WDPCP: variants seen among roughly 807,000 people sequenced by gnomAD.
The protein encoded by WDPCP is WD repeat-containing and planar cell polarity effector protein fritz homolog.
WDPCP carries 71 observed loss-of-function variants against 93.1 expected under a neutral mutation model. That is an observed-to-expected ratio of 0.76 (90% CI 0.63 to 0.93). The LOEUF is 0.93. WDPCP is among the 40% of genes least tolerant of loss of function. The pLI is 0.00. For synonymous variants in WDPCP, 315 were observed against 315.0 expected, an observed-to-expected ratio of 1.00 and a Z score of 0.00; for missense variants, 844 against 887.4, an observed-to-expected ratio of 0.95 and a Z score of 0.62.
intron 3 of WDPCP, among the ~76,000 whole-genome samples, chr2:63,641,583 A>C (rs1009871390): frequency 6.6e-6 from 1 of 152,016 alleles, no homozygotes; most frequent in Non-Finnish European, 1.5e-5. Context: ...TGTTGTTTGC[A>C]TGTCTTCTTT....
rs1029608508 is a variant in WDPCP at position 63,666,804 on chromosome 2, A to G, written n.309-15966T>C. ...TTACCACAAATCCTACCCCATGTCA[A>G]TATGTCCACACCACACTCTCAATTC... On this transcript the variant is annotated intron_variant and non_coding_transcript_variant, in intron 2 of 4. Transcript: ENST00000467687. Among the ~76,000 whole-genome samples, 3 of 152,148 alleles carry G rather than the reference A, an allele frequency of 2.0e-5. No homozygotes were observed. In the East Asian group the frequency reaches 5.8e-4, roughly 29 times the overall value.
intron 2 of WDPCP, among the ~76,000 whole-genome samples, chr2:63,700,432 A>C (rs528867012): frequency 6.6e-6 from 1 of 152,230 alleles, no homozygotes; most frequent in African/African-American, 2.4e-5. Context: ...AAATCAAGTG[A>C]GTCAACTGCA....
rs1268393007 is a variant in WDPCP at position 63,759,823 on chromosome 2, T to C, written n.308+53799A>G. On this transcript the variant is annotated intron_variant and non_coding_transcript_variant, in intron 2 of 4. Coordinates refer to the WDPCP transcript ENST00000467687. ...AGAACCTCCAGATATACCAGATACC[T>C]GGATGAGGGTTAGGCTAGAGGCTCA... Among the ~76,000 whole-genome samples, 4 of 152,354 alleles carry C rather than the reference T, an allele frequency of 2.6e-5. No individual in the cohort carries two copies. In the East Asian group the frequency reaches 5.8e-4, roughly 22 times the overall value.
chr2:63,299,451 C>T lies in WDPCP; in HGVS notation c.1812+13797G>A, dbSNP rs536212974. Among the ~76,000 whole-genome samples, 11 of 152,278 alleles carry T rather than the reference C, an allele frequency of 7.2e-5. No homozygotes were observed. The South Asian group carries it at 2.1e-3, about 29-fold the overall frequency. ...GAAGGGATTTGTGGAGGCTCAGCAT[C>T]CTCCACTGAAGACTGTCCTTCAGTT... On this transcript the variant is annotated intron_variant, in intron 13 of 17. Transcript: ENST00000272321.
chr2:63,783,601 A>G (rs1426890443), intron 2 of WDPCP, among the ~76,000 whole-genome samples: 1 of 152,220 alleles, frequency 6.6e-6, no homozygotes, highest in Non-Finnish European at 1.5e-5. Flanking sequence ...ATAAAAAAGA[A>G]TGAAATAATG....
At chr2:63,567,861 A>G (rs1357708326) in intron 1 of WDPCP, among the ~76,000 whole-genome samples, 1 of 152,216 alleles carries the variant, frequency 6.6e-6, no homozygotes, top group African/African-American at 2.4e-5. Flanking sequence ...CATCCAGTAG[A>G]TATTAAACTC....
intron 13 of WDPCP, among the ~76,000 whole-genome samples, chr2:63,262,202 G>A (rs1681690317): frequency 6.6e-6 from 1 of 152,000 alleles, no homozygotes; most frequent in Non-Finnish European, 1.5e-5. Context: ...GGCTTTCCCT[G>A]TTTTCTGTTC....
chr2:63,174,939 T>C, intron 14 of WDPCP, 107 bp from the exon 15 acceptor site: 1 of 1,263,252 alleles, frequency 7.9e-7, no homozygotes, highest in Non-Finnish European at 1.1e-6. Context: ...TGGAACTTTT[T>C]TCTTTGTCAA....
chr2:63,472,371 T>C (rs1699742994), intron 6 of WDPCP, among the ~76,000 whole-genome samples: 1 of 151,946 alleles, frequency 6.6e-6, no homozygotes, highest in Admixed American at 6.6e-5. Context: ...TCTTCTCTTC[T>C]GTTTTCTATT....
chr2:63,494,694 G>C (rs1165212401), intron 1 of WDPCP, among the ~76,000 whole-genome samples: 1 of 152,152 alleles, frequency 6.6e-6, no homozygotes, highest in Admixed American at 6.5e-5. Flanking sequence ...GCCGAGGCGG[G>C]GGGATCACAA....
At chr2:63,759,476 A>G (rs1036268466) in intron 2 of WDPCP, among the ~76,000 whole-genome samples, 9 of 152,222 alleles carry the variant, frequency 5.9e-5, no homozygotes, top group African/African-American at 2.2e-4. Flanking sequence ...CAAAACAAAA[A>G]TGTGAGGCTT....
At chr2:63,485,167 C>G (rs766431108) in intron 4 of WDPCP, among the ~76,000 whole-genome samples, 180 bp from the exon 5 acceptor site, 2 of 151,798 alleles carry the variant, frequency 1.3e-5, no homozygotes, top group Non-Finnish European at 2.9e-5. Flanking sequence ...AGGATTTTTA[C>G]CACAAAACAA....
chr2:63,630,376 C>G (rs1028629583), intron 3 of WDPCP, among the ~76,000 whole-genome samples: 2 of 151,802 alleles, frequency 1.3e-5, no homozygotes, highest in African/African-American at 2.4e-5. Flanking sequence ...TAACTACATA[C>G]AGTCTACAAG....
At chr2:63,338,566 AAAAATATAT>A (rs1688601568) in intron 12 of WDPCP, among the ~76,000 whole-genome samples, 1 of 9,928 alleles carries the variant, frequency 1.0e-4, no homozygotes, top group Non-Finnish European at 1.3e-4. Context: ...AAAAAAAAAA[AAAAATATAT>A]ATATATATAT....
chr2:63,668,571 G>A (rs954658321), intron 2 of WDPCP, among the ~76,000 whole-genome samples: 6 of 152,190 alleles, frequency 3.9e-5, no homozygotes, highest in African/African-American at 1.2e-4. Flanking sequence ...TATTTATAAC[G>A]TAAATATATA....
At chr2:63,533,453 G>A (rs1403491376) in intron 1 of WDPCP, among the ~76,000 whole-genome samples, 5 of 152,134 alleles carry the variant, frequency 3.3e-5, no homozygotes, top group African/African-American at 1.2e-4. Context: ...GACCCACATA[G>A]TTGGAAGTAA....
At chr2:63,818,114 G>A (rs1402937993) in intron 1 of WDPCP, among the ~76,000 whole-genome samples, 3 of 152,150 alleles carry the variant, frequency 2.0e-5, no homozygotes, top group East Asian at 3.8e-4. Context: ...GAGAATTGGC[G>A]AGTAATGAAA....
At chr2:63,350,573 T>G (rs1172911619) in intron 12 of WDPCP, among the ~76,000 whole-genome samples, 1 of 152,110 alleles carries the variant, frequency 6.6e-6, no homozygotes, top group Non-Finnish European at 1.5e-5. Flanking sequence ...CCCTGGAAGT[T>G]GCGGGTTTAA....
At chr2:63,469,949 T>C (rs969348350) in intron 6 of WDPCP, among the ~76,000 whole-genome samples, 9 of 152,222 alleles carry the variant, frequency 5.9e-5, no homozygotes, top group Admixed American at 3.9e-4. Context: ...TGCTCCTCCA[T>C]GCAGTGGCCA....
Sources: gnomAD v4.1 joint callset for allele counts (sites outside exome capture counted in the v4.1 genomes callset) on GRCh38, gnomAD v4.1.1 for gene constraint, MANE v1.5 for transcripts, NCBI Gene and HGNC (gene_info 2026-07-23, HGNC 2026-07-21) for gene names.